The following MICAL3 variants were observed in gnomAD, a reference collection of about 807,000 sequenced individuals.
The protein encoded by MICAL3 is [F-actin]-monooxygenase MICAL3.
Under a neutral mutation model 207.4 loss-of-function variants are expected in MICAL3, and 62 were observed. The ratio of observed to expected loss-of-function variants is 0.30; its 90% confidence interval spans 0.24 to 0.37. The LOEUF is 0.37. MICAL3 is among the 10% of genes least tolerant of loss of function. The pLI is 1.00. For missense variants in MICAL3, 2,368 were observed against 2,635.6 expected (o/e 0.90, Z 2.22); for synonymous variants, 1,077 against 1,069.3 (o/e 1.01, Z -0.14).
At chr22:17,821,608 A>G in intron 24 of MICAL3, 99 bp from the exon 25 acceptor site, 1 of 983,272 alleles carries the variant, frequency 1.0e-6, no homozygotes, top group Non-Finnish European at 1.5e-6. Flanking sequence ...GGGAGGGTAG[A>G]GGGCGAGTCG....
chr22:17,887,606 A>G (rs965188374), intron 13 of MICAL3, among the ~76,000 whole-genome samples, 171 bp from the exon 14 acceptor site: 2 of 152,262 alleles, frequency 1.3e-5, no homozygotes, highest in Middle Eastern at 3.2e-3. Flanking sequence ...GAGGAAATGC[A>G]TACTTGGGTA....
rs374524180 is a variant in MICAL3 at position 17,790,929 on chromosome 22, G to A, written c.5825-13C>T. 32 of 1,613,514 alleles carry A rather than the reference G, an allele frequency of 2.0e-5. No individual in the cohort carries two copies. The African/African-American group carries it at 3.3e-4, about 17-fold the overall frequency. ...GTCTTAAGGTGATCTTGAAGGAGAA[G>A]AAGGCATGAGGTGAGGGGCCTGGAG... On this transcript the variant is annotated splice_polypyrimidine_tract_variant and intron_variant, in intron 31 of 31. Coordinates refer to ENST00000441493, the MANE Select transcript of MICAL3 (RefSeq NM_015241.3).
intron 1 of MICAL3, among the ~76,000 whole-genome samples, chr22:17,920,924 A>G (rs1261594001): frequency 1.3e-5 from 2 of 152,142 alleles, no homozygotes; most frequent in African/African-American, 4.8e-5. Context: ...AAACTCACTA[A>G]GCCAAAGGGA....
intron 29 of MICAL3, among the ~76,000 whole-genome samples, chr22:17,798,775 G>T (rs1266523605): frequency 6.7e-6 from 1 of 148,682 alleles, no homozygotes; most frequent in Non-Finnish European, 1.5e-5. Flanking sequence ...CCGGGTTCAC[G>T]TCATTCTCCT....
intron 16 of MICAL3, chr22:17,881,168 AC>A: frequency 6.5e-7 from 1 of 1,538,696 alleles, no homozygotes; most frequent in Non-Finnish European, 9.0e-7. Flanking sequence ...AGGCAGGCAG[AC>A]AGAGACAGGA....
chr22:17,932,324 A>C lies in MICAL3; in HGVS notation c.-74-25438T>G, dbSNP rs192834723. Among the ~76,000 whole-genome samples the C allele has an allele frequency of 2.6e-5, 4 of 152,332 alleles. No homozygotes were observed. The East Asian group carries it at 7.7e-4, about 29-fold the overall frequency. On this transcript the variant is annotated intron_variant, in intron 1 of 31. Transcript: ENST00000441493. ...CAGAAGAGAGTAGGGGCCAATATTC[A>C]ACATTCTTAAAGAAAAGAATTTTCA...
chr22:17,914,212 A>ATT (rs1556394838), intron 1 of MICAL3, among the ~76,000 whole-genome samples: 2 of 152,206 alleles, frequency 1.3e-5, no homozygotes, highest in Non-Finnish European at 2.9e-5. Context: ...TCTCTGCTCC[A>ATT]TTATCACTCT....
Position 17,893,883 on chromosome 22 carries a change from C to T in MICAL3, c.1471G>A (p.Gly491Ser). ...PSQVRHLYDT[G>S]ETKDIHLEME... The stretch of plus-strand genomic sequence containing the variant: ...TCCAGGTGAATATCTTTTGTTTCGC[C>T]AGTATCATATAAATGGCGCACCTGG... Residue 491 changes from glycine (G) to serine (S), a missense_variant, in exon 11 of 32, where the codon GGC becomes AGC. By Grantham distance (56) the Gly-to-Ser change is moderately conservative. Transcript: ENST00000441493. 1 of 1,561,976 alleles carries T rather than the reference C, an allele frequency of 6.4e-7. No homozygotes were observed. Among genetic ancestry groups the T allele is most frequent in the Non-Finnish European group, 8.7e-7 (1 of 1,151,878 alleles).
At chr22:17,965,535 G>GTAT (rs980215578) in intron 1 of MICAL3, among the ~76,000 whole-genome samples, 1 of 152,196 alleles carries the variant, frequency 6.6e-6, no homozygotes, top group African/African-American at 2.4e-5. Context: ...CAGCTATAGT[G>GTAT]TATTCATCAC....
chr22:17,990,258 T>C (rs1051492983), intron 1 of MICAL3, among the ~76,000 whole-genome samples: 1 of 152,066 alleles, frequency 6.6e-6, no homozygotes, highest in Non-Finnish European at 1.5e-5. Flanking sequence ...GAACTCCCCC[T>C]TGGAGGGCAC....
At chr22:18,011,970 C>T (rs2146505067) in intron 1 of MICAL3, among the ~76,000 whole-genome samples, 1 of 151,906 alleles carries the variant, frequency 6.6e-6, no homozygotes, top group African/African-American at 2.4e-5. Context: ...TCTGGTGGCT[C>T]ACACCTGTAA....
chr22:17,827,987 C>A (rs1922387170), intron 21 of MICAL3, among the ~76,000 whole-genome samples: 1 of 152,116 alleles, frequency 6.6e-6, no homozygotes, highest in South Asian at 2.1e-4. Flanking sequence ...ACGCACAGTC[C>A]TTCTGCTCAT....
In MICAL3 at chr22:17,790,591, C is replaced by G; in HGVS notation, c.*141G>C. On this transcript the variant is annotated 3_prime_UTR_variant, in exon 32 of 32. Transcript: ENST00000441493. ...GCTCCCCACTGCACGCGGGACTCGA[C>G]CACTTTCCAAGCAGCACACGGGCAT... The G allele has an allele frequency of 1.3e-6, 1 of 776,792 alleles. No individual in the cohort carries two copies. Among genetic ancestry groups the G allele is most frequent in the South Asian group, 1.9e-5 (1 of 53,984 alleles). 48.1% of individuals were successfully genotyped at this position (776,792 alleles called of 1,614,324 possible). A position where few individuals can be genotyped will look rare whatever the true frequency, so the allele number is the denominator to read the frequency against.
chr22:17,956,083 G>C (rs1379978592), intron 1 of MICAL3, among the ~76,000 whole-genome samples: 1 of 152,210 alleles, frequency 6.6e-6, no homozygotes, highest in South Asian at 2.1e-4. Flanking sequence ...TTATAGGAGA[G>C]GCAGCTGCAG....
chr22:17,891,025 CATG>C (rs1930352242), intron 12 of MICAL3, among the ~76,000 whole-genome samples: 1 of 152,188 alleles, frequency 6.6e-6, no homozygotes, highest in African/African-American at 2.4e-5. Context: ...GTCAACTGTT[CATG>C]ATGTTTTGCT....
At chr22:17,975,019 C>T (rs976015146) in intron 1 of MICAL3, among the ~76,000 whole-genome samples, 6 of 152,206 alleles carry the variant, frequency 3.9e-5, no homozygotes, top group African/African-American at 1.4e-4. Context: ...ACATCACACC[C>T]ATCCTCAAAG....
intron 29 of MICAL3, among the ~76,000 whole-genome samples, chr22:17,792,859 T>C (rs1262224305): frequency 5.3e-5 from 8 of 152,210 alleles, no homozygotes; most frequent in African/African-American, 1.2e-4. Context: ...CCCAATCCAA[T>C]AGGCTTGGGT....
At chr22:17,880,359 C>A (rs552284373) in intron 16 of MICAL3, among the ~76,000 whole-genome samples, 1 of 152,208 alleles carries the variant, frequency 6.6e-6, no homozygotes, top group Non-Finnish European at 1.5e-5. Flanking sequence ...AAGAACTGAG[C>A]GTGCTTTCCA....
intron 22 of MICAL3, chr22:17,826,418 C>T (rs1235374967): frequency 2.0e-6 from 2 of 977,758 alleles, no homozygotes; most frequent in Non-Finnish European, 2.4e-6. Flanking sequence ...AGAGAGGTTA[C>T]GGTGAGTGGG....
Sources: gnomAD v4.1 joint callset for allele counts (sites outside exome capture counted in the v4.1 genomes callset) on GRCh38, gnomAD v4.1.1 for gene constraint, MANE v1.5 for transcripts, NCBI Gene and HGNC (gene_info 2026-07-23, HGNC 2026-07-21) for gene names.